The following SBF1 variants were observed in gnomAD, a reference collection of about 807,000 sequenced individuals.
SBF1 encodes myotubularin-related protein 5.
SBF1 carries 65 observed loss-of-function variants against 215.8 expected under a neutral mutation model. That is an observed-to-expected ratio of 0.30 (90% CI 0.25 to 0.37). The LOEUF (loss-of-function observed/expected upper bound fraction) is 0.37, where lower values mean the gene tolerates loss of function less well. SBF1 is among the 10% of genes least tolerant of loss of function. The pLI, the probability that SBF1 is intolerant of heterozygous loss-of-function variation, is 1.00. For missense variants in SBF1, 2,634 were observed against 2,667.8 expected, an observed-to-expected ratio of 0.99 and a Z score of 0.28; for synonymous variants, 1,410 against 1,122.8, an observed-to-expected ratio of 1.26 and a Z score of -5.11.
chr22:50,461,285 A>C lies in SBF1; in HGVS notation c.2841T>G (p.Val947=). The part of the protein sequence containing the change: ...IFTGMPTDPL[V]GEQVVVRSFP... ...AGGAGCGGACCACCACCTGCTCCCCAACTTAGGACAGGCCAGGCAGAGTCA... is the reference window on the plus strand; with the variant it reads ...AGGAGCGGACCACCACCTGCTCCCCCACTTAGGACAGGCCAGGCAGAGTCA... Residue 947 remains valine, a splice_region_variant and synonymous_variant, in exon 23 of 41, where the codon GTT becomes GTG. Transcript: ENST00000380817. The C allele has an allele frequency of 6.3e-7, 1 of 1,584,818 alleles. No homozygotes were observed.
chr22:50,462,676 C>T lies in SBF1; in HGVS notation c.2010G>A (p.Val670=). 1.9e-6 allele frequency: 3 copies of T among 1,612,386 alleles called. No individual in the cohort carries two copies. Among genetic ancestry groups the T allele is most frequent in the African/African-American group, 1.3e-5 (1 of 75,042 alleles). ...GCGTGCTCCACACCACGTGCTCCTG[C>T]ACACAGCTGTATGCAAACTGCGTCA... ...PGVTQFAYSC[V]QEHVVWSTPQ... is the part of the protein sequence containing the mutation. Residue 670 remains valine (V), a synonymous_variant, in exon 18 of 41, where the codon GTG becomes GTA. Transcript: ENST00000380817.
intron 7 of SBF1, 25 bp downstream of exon 7, chr22:50,466,325 G>T (rs778899539): frequency 8.7e-6 from 14 of 1,600,526 alleles, no homozygotes; most frequent in Non-Finnish European, 1.2e-5. Flanking sequence ...AGGAGAAGGG[G>T]CTGGGAGGGC....
chr22:50,447,752 A>T, intron 38 of SBF1, 143 bp from the exon 39 acceptor site: 1 of 632,236 alleles, frequency 1.6e-6, no homozygotes. Context: ...AGCCCAGAGC[A>T]CTGGCCAGGG....
intron 1 of SBF1, among the ~76,000 whole-genome samples, chr22:50,470,943 C>T (rs186588314): frequency 6.6e-5 from 10 of 152,254 alleles, no homozygotes; most frequent in East Asian, 3.9e-4. Flanking sequence ...CTGTGCTGTC[C>T]GGGGCCAGGC....
rs772352383 is a variant in SBF1, at chr22:50,447,252, C to A, written c.5584-12G>T. On this transcript the variant is annotated splice_polypyrimidine_tract_variant and intron_variant, in intron 40 of 40. Transcript: ENST00000380817. ...CGCGTTGTCTTCACCTGGGGAAGGG[C>A]GGGTTACTGACTCCGCAGCCCCCAC... is the stretch of plus-strand genomic sequence containing the variant. 1.9e-5 allele frequency: 31 copies of A among 1,613,600 alleles called. No homozygotes were observed. The highest frequency in any genetic ancestry group is 3.3e-5 in the Admixed American group (2 of 59,992).
Position 50,474,805 on chromosome 22 carries a change from C to T in SBF1, c.36G>A (p.Ala12=). Residue 12 remains alanine (A), a synonymous_variant, in exon 1 of 41, where the codon GCG becomes GCA. Coordinates refer to ENST00000380817, the MANE Select transcript of SBF1 (RefSeq NM_002972.4). ...ARLADYFVLV[A]FGPHPRGSGE... is the part of the protein sequence containing the mutation. Reference sequence around the variant, plus strand: ...ACTCACCGCGCGGGTGCGGCCCGAACGCCACCAGCACGAAGTAGTCCGCGA... The same window carrying T: ...ACTCACCGCGCGGGTGCGGCCCGAATGCCACCAGCACGAAGTAGTCCGCGA... The T allele has an allele frequency of 2.1e-6, 3 of 1,458,148 alleles. No individual in the cohort carries two copies. Among genetic ancestry groups the T allele is most frequent in the Non-Finnish European group, 2.7e-6 (3 of 1,109,072 alleles). 90.3% of individuals were successfully genotyped at this position (1,458,148 alleles called of 1,614,324 possible). A position where few individuals can be genotyped will look rare whatever the true frequency, so the allele number is the denominator to read the frequency against.
Position 50,462,874 on chromosome 22 carries a change from C to A in SBF1, c.1964G>T (p.Cys655Phe). The A allele has an allele frequency of 6.2e-7, 1 of 1,613,178 alleles. No individual in the cohort carries two copies. Among genetic ancestry groups the A allele is most frequent in the Non-Finnish European group, 8.5e-7 (1 of 1,179,928 alleles). Reference protein sequence around the residue: ...AALLPLVTAFCRKLSPGVTQF... With the variant: ...AALLPLVTAFFRKLSPGVTQF... ...CTCAGCCATGCCAGCACTCACCCGG[C>A]AGAAGGCTGTGACCAGAGGCAGCAG... Residue 655 changes from cysteine (C) to phenylalanine (F), a missense_variant, in exon 17 of 41, where the codon TGC (cysteine) becomes TTC (phenylalanine). By Grantham distance (205) the Cys-to-Phe change is radical. Coordinates refer to ENST00000380817, the MANE Select transcript of SBF1 (RefSeq NM_002972.4).
At chr22:50,449,514 C>T (rs1603430419) in intron 36 of SBF1, among the ~76,000 whole-genome samples, 1 of 152,082 alleles carries the variant, frequency 6.6e-6, no homozygotes, top group Admixed American at 6.5e-5. Context: ...ACTCAGGAAG[C>T]TGAGGCAGGA....
rs867746008 is a variant in SBF1 at position 50,466,613 on chromosome 22, C to T, written c.647G>A (p.Arg216His). ...GGGACAGACAGGCTCACCTAGCTGG[C>T]GGAAGAGCAGGGCCACGCTGCAGCG... is the stretch of plus-strand genomic sequence containing the variant. Reference protein sequence around the residue: ...VSRCSVALLFRQLGITNVLSL... With the variant: ...VSRCSVALLFHQLGITNVLSL... The change falls in exon 6 of 41, where the codon CGC becomes CAC. Residue 216 changes from arginine (R) to histidine (H), a missense_variant. Physicochemically the swap from Arg to His is conservative, Grantham distance 29. Coordinates refer to ENST00000380817, the MANE Select transcript of SBF1 (RefSeq NM_002972.4). 5.8e-6 allele frequency: 9 copies of T among 1,550,154 alleles called. No individual in the cohort carries two copies. The highest frequency in any genetic ancestry group is 7.0e-6 in the Non-Finnish European group (8 of 1,146,016).
chr22:50,465,987 T>G lies in SBF1; in HGVS notation c.985A>C (p.Ser329Arg), dbSNP rs1569513713. 1 of 1,613,850 alleles carries G rather than the reference T, an allele frequency of 6.2e-7. No homozygotes were observed. Among genetic ancestry groups the G allele is most frequent in the South Asian group, 1.1e-5 (1 of 91,084 alleles). The change falls in exon 9 of 41, where the codon AGT (serine) becomes CGT (arginine). Residue 329 changes from serine (S) to arginine (R), a missense_variant. Ser to Arg is a moderately radical substitution (Grantham distance 110). Transcript: ENST00000380817. ...HIPPLPEPLQSQTHSVLSMVL... is the reference protein window; with the variant it reads ...HIPPLPEPLQRQTHSVLSMVL... ...ATGCTCAGCACACTGTGCGTCTGAC[T>G]CTGCAGTGGCTCTGGCAAGGGTGGA...
rs141100839 is a variant in SBF1, at chr22:50,465,721, A to G, written c.1089+42T>C. 472 of 1,540,332 alleles carry G rather than the reference A, an allele frequency of 3.1e-4. 2 individuals carry two copies. In the African/African-American group the frequency reaches 5.6e-3, roughly 18 times the overall value. On this transcript the variant is annotated intron_variant, in intron 10 of 40. Transcript: ENST00000380817. ...CAGCAGACCTGAGTGGGGGCAGCCT[A>G]AGTGCCTGGGGTCCCCATGCAGGAG...
chr22:50,458,066 G>A (rs772986632), intron 28 of SBF1, among the ~76,000 whole-genome samples: 16 of 152,284 alleles, frequency 1.1e-4, no homozygotes, highest in Admixed American at 8.5e-4. Flanking sequence ...TTGGGAGGCC[G>A]AGGCGGGCGG....
rs548204916 is a variant in SBF1 at position 50,448,293 on chromosome 22, G to A, written c.5303C>T (p.Ala1768Val). The change falls in exon 38 of 41, where the codon GCT (alanine) becomes GTT (valine). Residue 1768 changes from alanine to valine, a missense_variant. Ala to Val is a moderately conservative substitution (Grantham distance 64). Coordinates refer to ENST00000380817, the MANE Select transcript of SBF1 (RefSeq NM_002972.4). ...SGSTTSGSRQAARRSTSTLYS... is the reference protein window; with the variant it reads ...SGSTTSGSRQVARRSTSTLYS... ...CAGGGTGCTGGTGCTGCGGCGGGCA[G>A]CCTGACGGGAGCCGGATGTGGTTGA... The A allele has an allele frequency of 3.1e-6, 5 of 1,613,188 alleles. No homozygotes were observed. The highest frequency in any genetic ancestry group is 1.7e-5 in the Admixed American group (1 of 60,026).
chr22:50,458,842 A>T (rs1292148249), intron 28 of SBF1, among the ~76,000 whole-genome samples: 1 of 152,060 alleles, frequency 6.6e-6, no homozygotes, highest in Non-Finnish European at 1.5e-5. Context: ...GGATTGGGGG[A>T]TGCAGGGAGG....
In SBF1 at chr22:50,453,272, G is replaced by A. The variant is rs559560965; in HGVS notation, c.5043+1240C>T. On this transcript the variant is annotated intron_variant, in intron 36 of 40. Coordinates refer to ENST00000380817, the MANE Select transcript of SBF1 (RefSeq NM_002972.4). Reference sequence around the variant, plus strand: ...TGACTCTGTTAGCACCAATGAGACCGCGTCAACTTTAAGACAATGAGCATC... The same window carrying A: ...TGACTCTGTTAGCACCAATGAGACCACGTCAACTTTAAGACAATGAGCATC... Among the ~76,000 whole-genome samples, 110 of 152,184 alleles carry A rather than the reference G, an allele frequency of 7.2e-4. 1 individual carries two copies. The highest frequency in any genetic ancestry group is 1.2e-3 in the Non-Finnish European group (85 of 68,038).
chr22:50,447,476 C>T (rs1210124246), intron 39 of SBF1, 23 bp from the exon 40 acceptor site: 28 of 1,611,314 alleles, frequency 1.7e-5, no homozygotes, highest in South Asian at 7.7e-5. Context: ...ACAGAGTCAG[C>T]GGAGCCCCCT....
At chr22:50,449,319 A>G (rs1338290919) in intron 36 of SBF1, among the ~76,000 whole-genome samples, 2 of 150,908 alleles carry the variant, frequency 1.3e-5, no homozygotes, top group South Asian at 2.1e-4. Context: ...CAGTAAATTC[A>G]AGAGAGTGAT....
At chr22:50,463,003 G>A in intron 16 of SBF1, 65 bp from the exon 17 acceptor site, 1 of 1,460,096 alleles carries the variant, frequency 6.8e-7, no homozygotes, top group Non-Finnish European at 9.4e-7. Flanking sequence ...CTCCCACCAT[G>A]CCCCCACCAC....
In SBF1 at chr22:50,447,331, G is replaced by C. The variant is rs373023288; in HGVS notation, c.5574C>G (p.Ala1858=). Residue 1858 remains alanine, a synonymous_variant, in exon 40 of 41, where the codon GCC becomes GCG. Coordinates refer to ENST00000380817, the MANE Select transcript of SBF1 (RefSeq NM_002972.4). ...CCCGGCCAAGGCTCACGTCAAAGAA[G>C]GCCTTCTCGTCCACAGTCTTAGGGG... is the stretch of plus-strand genomic sequence containing the variant. The part of the protein sequence containing the change: ...MGAPKTVDEK[A]FFDVKTTRRV... 1.9e-6 allele frequency: 3 copies of C among 1,614,040 alleles called. No homozygotes were observed. The highest frequency in any genetic ancestry group is 2.5e-6 in the Non-Finnish European group (3 of 1,179,950).
Sources: allele counts gnomAD v4.1 joint callset (sites outside exome capture counted in the v4.1 genomes callset), GRCh38; gene constraint gnomAD v4.1.1; transcripts MANE v1.5; gene names NCBI Gene and HGNC (gene_info 2026-07-23, HGNC 2026-07-21).